Variants in KIAA1549L observed in about 807,000 individuals in gnomAD.
The protein encoded by KIAA1549L is KIAA1549 like.
KIAA1549L carries 88 observed loss-of-function variants against 160.7 expected under a neutral mutation model. That is an observed-to-expected ratio of 0.55 (90% CI 0.46 to 0.65). KIAA1549L has a LOEUF of 0.65. Among genes scored for constraint, KIAA1549L ranks in the 30% least tolerant of loss-of-function variants. The pLI is 0.00. For missense variants in KIAA1549L, 2,258 were observed against 2,437.5 expected (o/e 0.93, Z 1.55); for synonymous variants, 950 against 976.7 (o/e 0.97, Z 0.51).
rs1056571309 is a variant in KIAA1549L, at chr11:33,520,533, C to T, written c.239-21269C>T. 9.9e-5 allele frequency among the ~76,000 whole-genome samples: 15 copies of T among 152,212 alleles called. No homozygotes were observed. In the East Asian group the frequency reaches 2.5e-3, roughly 25 times the overall value. ...CAGAAGCTCAGTTTAGATTTACTAA[C>T]TTCTCATTTGGTCAAGTAAGGGCAT... is the stretch of plus-strand genomic sequence containing the variant. On this transcript the variant is annotated intron_variant, in intron 1 of 20. Coordinates refer to ENST00000658780, the MANE Select transcript of KIAA1549L (RefSeq NM_012194.3).
intron 16 of KIAA1549L, among the ~76,000 whole-genome samples, chr11:33,632,291 G>C (rs7947544): frequency 0.021 from 3,204 of 152,270 alleles, 55 homozygotes; most frequent in Non-Finnish European, 0.03. Context: ...CATCCTGTAT[G>C]GACCAGTGCA....
At chr11:33,396,950 C>CAAA (rs112460980) in intron 1 of KIAA1549L, among the ~76,000 whole-genome samples, 14 of 105,294 alleles carry the variant, frequency 1.3e-4, no homozygotes, top group South Asian at 5.8e-4. Context: ...ACTCTGTGTC[C>CAAA]AAAAAAAAAA....
chr11:33,422,015 A>G (rs1413105921), intron 1 of KIAA1549L, among the ~76,000 whole-genome samples: 2 of 152,150 alleles, frequency 1.3e-5, no homozygotes, highest in Non-Finnish European at 2.9e-5. Flanking sequence ...CTCCTCAAGT[A>G]TAATTCTCAT....
chr11:33,432,539 C>T (rs766955229), intron 1 of KIAA1549L, among the ~76,000 whole-genome samples: 3 of 152,090 alleles, frequency 2.0e-5, no homozygotes, highest in Admixed American at 1.3e-4. Context: ...CTCTGTAAAG[C>T]TGCTGAGATT....
Position 33,376,580 on chromosome 11 carries a change from CG to C in KIAA1549L, c.-68del, listed in dbSNP as rs1849956883. Reference sequence around the variant, plus strand: ...GTGGCCGGCGATGCCCGGTGAGGACCGGGGCGCCGAGGGCTGGGCTCCCCGG... The same window carrying C: ...GTGGCCGGCGATGCCCGGTGAGGACCGGGCGCCGAGGGCTGGGCTCCCCGG... On this transcript the variant is annotated 5_prime_UTR_variant, in exon 1 of 21. The change abolishes the stop of an existing upstream ORF in the 5' untranslated region. Transcript: ENST00000658780. This position sits in a 1 kb window ranked among gnomAD's most constrained non-coding sequence, Gnocchi z 5.8. 6.7e-6 allele frequency: 1 copy of C among 149,400 alleles called. No homozygotes were observed. The highest frequency in any genetic ancestry group is 1.5e-5 in the Non-Finnish European group (1 of 66,948). The allele number at this position is 149,400 out of a possible 1,614,324, so 9.3% of individuals were successfully genotyped here. A position where few individuals can be genotyped will look rare whatever the true frequency, so the allele number is the denominator to read the frequency against.
intron 20 of KIAA1549L, 92 bp from the exon 21 acceptor site, chr11:33,667,781 G>C: frequency 1.8e-6 from 2 of 1,095,676 alleles, no homozygotes; most frequent in Non-Finnish European, 2.6e-6. Context: ...CATGTCCTCA[G>C]CCCCCTCCTG....
At chr11:33,577,780 C>T (rs1425643364) in intron 10 of KIAA1549L, among the ~76,000 whole-genome samples, 1 of 152,062 alleles carries the variant, frequency 6.6e-6, no homozygotes, top group African/African-American at 2.4e-5. Flanking sequence ...TGGCTGTGTC[C>T]ACACCACTTC....
intron 20 of KIAA1549L, among the ~76,000 whole-genome samples, chr11:33,665,758 AT>A (rs1396827947): frequency 5.9e-5 from 9 of 151,884 alleles, no homozygotes; most frequent in Non-Finnish European, 1.3e-4. Flanking sequence ...ACCCCTTGCC[AT>A]TCATGGCCCT....
chr11:33,664,720 A>G (rs1296112828), intron 20 of KIAA1549L, among the ~76,000 whole-genome samples: 3 of 152,198 alleles, frequency 2.0e-5, no homozygotes, highest in Admixed American at 2.0e-4. Flanking sequence ...CTCACCAGAT[A>G]GATACAGAAT....
rs150982445 is a variant in KIAA1549L at position 33,535,712 on chromosome 11, C to T, written c.239-6090C>T. On this transcript the variant is annotated intron_variant, in intron 1 of 20. Transcript: ENST00000658780. The stretch of plus-strand genomic sequence containing the variant: ...AAAAGAAAAAGTCACAGGTTCTCCT[C>T]ATACCCAAAGAGAGTGGATCACAAA... 4.7e-3 allele frequency among the ~76,000 whole-genome samples: 715 copies of T among 152,200 alleles called. 5 individuals carry two copies. Among genetic ancestry groups the T allele is most frequent in the African/African-American group, 0.016 (649 of 41,542 alleles).
intron 1 of KIAA1549L, among the ~76,000 whole-genome samples, chr11:33,385,705 T>C (rs963182758): frequency 3.9e-5 from 6 of 152,208 alleles, no homozygotes; most frequent in African/African-American, 1.4e-4. Flanking sequence ...GGTTGGAATT[T>C]CTTTGAATCT....
chr11:33,616,860 C>T (rs11032317), intron 15 of KIAA1549L, among the ~76,000 whole-genome samples: 23,932 of 152,092 alleles, frequency 0.16, 2,317 homozygotes, highest in East Asian at 0.27. Flanking sequence ...GCGGTGTTGG[C>T]GGGCACGGAG....
intron 1 of KIAA1549L, among the ~76,000 whole-genome samples, chr11:33,394,178 GCCTCGGCAACATGGTGAGGCCC>G (rs1726324625): frequency 6.6e-6 from 1 of 152,116 alleles, no homozygotes; most frequent in South Asian, 2.1e-4. Flanking sequence ...TTTGAAAGCA[GCCTCGGCAACATGGTGAGGCCC>G]CCTCTCTACC....
intron 1 of KIAA1549L, among the ~76,000 whole-genome samples, chr11:33,419,591 A>G (rs897627283): frequency 7.2e-5 from 11 of 152,100 alleles, no homozygotes; most frequent in Non-Finnish European, 1.5e-4. Context: ...CACACCTGTA[A>G]TCCCAGCACT....
chr11:33,395,865 C>T (rs71480906), intron 1 of KIAA1549L, among the ~76,000 whole-genome samples: 2,863 of 152,116 alleles, frequency 0.019, 34 homozygotes, highest in Middle Eastern at 0.082. Flanking sequence ...CATCTTTTCG[C>T]CGTACTCAGC....
intron 12 of KIAA1549L, among the ~76,000 whole-genome samples, chr11:33,595,830 T>C (rs919668736): frequency 6.6e-6 from 1 of 151,958 alleles, no homozygotes; most frequent in African/African-American, 2.4e-5. Context: ...GAGAAACCGG[T>C]GGTTTGATGG....
At chr11:33,396,950 C>CAA (rs112460980) in intron 1 of KIAA1549L, among the ~76,000 whole-genome samples, 8,567 of 105,172 alleles carry the variant, frequency 0.081, 263 homozygotes, top group South Asian at 0.14. Flanking sequence ...ACTCTGTGTC[C>CAA]AAAAAAAAAA....
chr11:33,543,565 C>T lies in KIAA1549L; in HGVS notation c.2002C>T (p.Gln668Ter). Reference sequence around the variant, plus strand: ...TGGGTTGCCAGCTTCAGCTTCCAAACAGGTGAGAGCATCGCCCTCCTCCAT... The same window carrying T: ...TGGGTTGCCAGCTTCAGCTTCCAAATAGGTGAGAGCATCGCCCTCCTCCAT... Reference protein sequence around the residue: ...HSGLPASASKQVRASPSSMDV... With the variant: ...HSGLPASASK Residue 668 changes from glutamine (Q) to a stop codon, truncating the protein, a stop_gained, in exon 2 of 21, where the codon CAG becomes TAG. Coordinates refer to ENST00000658780, the MANE Select transcript of KIAA1549L (RefSeq NM_012194.3). LOFTEE classifies it high-confidence loss of function. The T allele has an allele frequency of 6.2e-7, 1 of 1,614,060 alleles. No individual in the cohort carries two copies. Among genetic ancestry groups the T allele is most frequent in the South Asian group, 1.1e-5 (1 of 91,082 alleles).
intron 1 of KIAA1549L, among the ~76,000 whole-genome samples, chr11:33,416,289 G>A (rs1313122916): frequency 6.6e-6 from 1 of 151,902 alleles, no homozygotes; most frequent in African/African-American, 2.4e-5. Flanking sequence ...CCTTCCTCAG[G>A]GCCAAGAAAT....
Sources: gnomAD v4.1 joint callset for allele counts (sites outside exome capture counted in the v4.1 genomes callset) on GRCh38, gnomAD v4.1.1 for gene constraint, Gnocchi (gnomAD v3.1) non-coding constraint, MANE v1.5 for transcripts, NCBI Gene and HGNC (gene_info 2026-07-23, HGNC 2026-07-21) for gene names.